The following SLC25A30 variants were observed in gnomAD, a reference collection of about 807,000 sequenced individuals.
SLC25A30 encodes the protein kidney mitochondrial carrier protein 1.
In SLC25A30, 29 loss-of-function variants were observed where a neutral mutation model predicts 42.7. That is an observed-to-expected ratio of 0.68 (90% CI 0.51 to 0.93). The LOEUF (loss-of-function observed/expected upper bound fraction) is 0.93. Ranked by LOEUF, SLC25A30 falls within the 40% of genes least tolerant of loss-of-function variation. The pLI, the probability that SLC25A30 is intolerant of heterozygous loss-of-function variation, is 0.00. For missense variants in SLC25A30, 300 were observed against 359.7 expected (o/e 0.83, Z 1.34); for synonymous variants, 124 against 131.0 (o/e 0.95, Z 0.37).
chr13:45,424,719 A>T, the SLC25A30 span, among the ~76,000 whole-genome samples: 1 of 65,046 alleles, frequency 1.5e-5, no homozygotes, highest in Non-Finnish European at 2.8e-5. Flanking sequence ...ACATATATAA[A>T]TATATATAAA....
intron 7 of SLC25A30, among the ~76,000 whole-genome samples, chr13:45,400,146 CGGCA>C (rs1566202726): frequency 1.8e-4 from 28 of 151,540 alleles, no homozygotes; most frequent in African/African-American, 6.3e-4. Flanking sequence ...AAGGCCAGGC[CGGCA>C]ATGGCTGACA....
intron 1 of SLC25A30, among the ~76,000 whole-genome samples, chr13:45,416,657 G>T (rs1883563190): frequency 6.6e-6 from 1 of 152,094 alleles, no homozygotes; most frequent in Admixed American, 6.6e-5. Flanking sequence ...TCTAGTCCCA[G>T]CTACTCCGCA....
chr13:45,404,301 T>C (rs1882288095), intron 5 of SLC25A30, 26 bp downstream of exon 5: 4 of 1,508,418 alleles, frequency 2.7e-6, no homozygotes, highest in Non-Finnish European at 3.7e-6. Flanking sequence ...GGAATGTGCC[T>C]ATAAGATATA....
At position 45,417,863 on chromosome 13, in the gene SLC25A30, CCCT is replaced by C. The variant is rs1269814766; in HGVS notation, c.-56+434_-56+436del. ...CACGAGCGATTCCGAATGTGGTGTG[CCCT>C]CTCCCACAGTGCGAAGCTCGCGGGC... On this transcript the variant is annotated intron_variant, in intron 1 of 9. Transcript: ENST00000519676. 1.9e-3 allele frequency among the ~76,000 whole-genome samples: 296 copies of C among 152,368 alleles called. 3 individuals carry two copies. The highest frequency in any genetic ancestry group is 6.8e-3 in the African/African-American group (283 of 41,596).
chr13:45,421,089 CA>C (rs550024707), upstream of SLC25A30, among the ~76,000 whole-genome samples: 6 of 150,538 alleles, frequency 4.0e-5, no homozygotes, highest in Admixed American at 4.0e-4. Flanking sequence ...ACAAGAATAA[CA>C]AAAAAAGGCC....
the SLC25A30 span, among the ~76,000 whole-genome samples, chr13:45,425,772 C>T: frequency 4.8e-5 from 7 of 144,676 alleles, no homozygotes; most frequent in African/African-American, 1.5e-4. Context: ...GGCTCACTGC[C>T]GTCTCCACCT....
At chr13:45,425,594 A>AAG in the SLC25A30 span, among the ~76,000 whole-genome samples, 105 of 61,008 alleles carry the variant, frequency 1.7e-3, 8 homozygotes, top group Non-Finnish European at 2.3e-3. Context: ...AAATATATAT[A>AAG]TACATATATA....
the SLC25A30 span, among the ~76,000 whole-genome samples, chr13:45,430,446 A>G: frequency 6.6e-6 from 1 of 152,192 alleles, no homozygotes; most frequent in African/African-American, 2.4e-5. Flanking sequence ...GGGATTGAGT[A>G]ATGGAGAAGG....
chr13:45,414,318 A>C (rs1883290877), intron 1 of SLC25A30, among the ~76,000 whole-genome samples: 2 of 152,124 alleles, frequency 1.3e-5, no homozygotes, highest in African/African-American at 4.8e-5. Context: ...ATGGGCAAAC[A>C]TCCAAATAAG....
intron 1 of SLC25A30, among the ~76,000 whole-genome samples, chr13:45,413,431 A>C (rs910980150): frequency 6.6e-6 from 1 of 152,206 alleles, no homozygotes; most frequent in Non-Finnish European, 1.5e-5. Flanking sequence ...TCTTAGACCT[A>C]GCTGATTGCA....
intron 5 of SLC25A30, among the ~76,000 whole-genome samples, chr13:45,403,954 A>C (rs1882254538): frequency 6.7e-6 from 1 of 150,200 alleles, no homozygotes; most frequent in Non-Finnish European, 1.5e-5. Flanking sequence ...AAAAAAAAAA[A>C]GATGGATTCA....
chr13:45,415,617 G>A (rs1182594531), intron 1 of SLC25A30, among the ~76,000 whole-genome samples: 1 of 151,430 alleles, frequency 6.6e-6, no homozygotes, highest in Non-Finnish European at 1.5e-5. Context: ...TGGGCATGGT[G>A]GCAGATGCCT....
the SLC25A30 span, among the ~76,000 whole-genome samples, chr13:45,430,765 C>T: frequency 6.6e-6 from 1 of 152,128 alleles, no homozygotes; most frequent in African/African-American, 2.4e-5. Context: ...CCAGATCATG[C>T]CACTGCACTT....
intron 2 of SLC25A30, among the ~76,000 whole-genome samples, chr13:45,410,243 T>A (rs1299725023): frequency 1.3e-5 from 2 of 152,210 alleles, no homozygotes; most frequent in Non-Finnish European, 2.9e-5. Flanking sequence ...AGTGACTAGA[T>A]AACTACAGTC....
At chr13:45,398,844 T>C in intron 8 of SLC25A30, 96 bp downstream of exon 8, 1 of 1,365,554 alleles carries the variant, frequency 7.3e-7, no homozygotes, top group Admixed American at 2.1e-5. Flanking sequence ...TAAAGCATCA[T>C]TCATCTTAGT....
rs1883239452 is a variant in SLC25A30, at chr13:45,413,799, TG to T, written c.-55-2320del. 1.3e-4 allele frequency among the ~76,000 whole-genome samples: 20 copies of T among 152,286 alleles called. No individual in the cohort carries two copies. In the South Asian group the frequency reaches 4.0e-3, roughly 30 times the overall value. The stretch of plus-strand genomic sequence containing the variant: ...AACTCCTGACCTCAGGTAATCCACC[TG>T]CCTTGGCCTCCCAAAGTGCTGGGAT... On this transcript the variant is annotated intron_variant, in intron 1 of 9. Transcript: ENST00000519676.
intron 2 of SLC25A30, among the ~76,000 whole-genome samples, chr13:45,409,563 C>G (rs1882825773): frequency 6.6e-6 from 1 of 152,164 alleles, no homozygotes; most frequent in Admixed American, 6.5e-5. Flanking sequence ...AATCCCAGCA[C>G]TTTGGGAGGC....
In SLC25A30 at chr13:45,408,976, C is replaced by T. The variant is rs1396226727; in HGVS notation, c.163G>A (p.Ala55Thr). 16 of 1,613,204 alleles carry T rather than the reference C, an allele frequency of 9.9e-6. No homozygotes were observed. Among genetic ancestry groups the T allele is most frequent in the Admixed American group, 6.7e-5 (4 of 59,814 alleles). ...KEIRYRGMLHALVRIGREEGL... is the reference protein window; with the variant it reads ...KEIRYRGMLHTLVRIGREEGL... ...TCTTCTCTGCCTATCCTCACTAATG[C>T]GTGCAACATTCCTCGGTATCTAATT... The change falls in exon 3 of 10, where the codon GCA becomes ACA. Residue 55 changes from alanine (A) to threonine (T), a missense_variant. Physicochemically the swap from Ala to Thr is moderately conservative, Grantham distance 58. Coordinates refer to ENST00000519676, the MANE Select transcript of SLC25A30 (RefSeq NM_001010875.4).
At chr13:45,425,912 T>G in the SLC25A30 span, among the ~76,000 whole-genome samples, 2 of 147,186 alleles carry the variant, frequency 1.4e-5, no homozygotes, top group African/African-American at 2.5e-5. Context: ...AGGCTGGTCT[T>G]GAACTCCTGA....
Sources: allele counts gnomAD v4.1 joint callset (sites outside exome capture counted in the v4.1 genomes callset), GRCh38; gene constraint gnomAD v4.1.1; transcripts MANE v1.5; gene names NCBI Gene and HGNC (gene_info 2026-07-23, HGNC 2026-07-21).